Variants in BCL2L1 observed in about 807,000 individuals in gnomAD.
BCL2L1 encodes the protein BCL2 like 1.
Under a neutral mutation model 18.7 loss-of-function variants are expected in BCL2L1, and 1 was observed. The observed-to-expected ratio is 0.05, with a 90% CI of 0.02 to 0.25. BCL2L1 has a LOEUF of 0.25. Ranked by LOEUF, BCL2L1 falls within the 10% of genes least tolerant of loss-of-function variation. The pLI is 1.00. For synonymous variants in BCL2L1, 103 were observed against 122.7 expected, an observed-to-expected ratio of 0.84 and a Z score of 1.06; for missense variants, 207 against 304.9, an observed-to-expected ratio of 0.68 and a Z score of 2.39.
Position 31,722,367 on chromosome 20 carries a change from A to G in BCL2L1, c.-130-19T>C. 1 of 540,422 alleles carries G rather than the reference A, an allele frequency of 1.9e-6. No homozygotes were observed. The highest frequency in any genetic ancestry group is 3.0e-6 in the Non-Finnish European group (1 of 338,006). The allele number at this position is 540,422 out of a possible 1,614,324, so 33.5% of individuals were successfully genotyped here. ...GAAAGAGCTTCAGGAAAAAAAAATAATTAATATGCATGCCATTTACCCTAA... is the reference window on the plus strand; with the variant it reads ...GAAAGAGCTTCAGGAAAAAAAAATAGTTAATATGCATGCCATTTACCCTAA... On this transcript the variant is annotated intron_variant, in intron 1 of 2. Transcript: ENST00000307677.
At chr20:31,715,522 A>G (rs2061519993) in intron 2 of BCL2L1, among the ~76,000 whole-genome samples, 1 of 152,112 alleles carries the variant, frequency 6.6e-6, no homozygotes. Flanking sequence ...CCTTTGCTGT[A>G]GGGTACCTAC....
intron 2 of BCL2L1, among the ~76,000 whole-genome samples, chr20:31,719,766 G>A (rs945095196): frequency 6.6e-6 from 1 of 152,146 alleles, no homozygotes; most frequent in Non-Finnish European, 1.5e-5. Flanking sequence ...TTCTGCAGAG[G>A]CTGGCTAGCA....
intron 2 of BCL2L1, among the ~76,000 whole-genome samples, chr20:31,720,342 A>G (rs2061602921): frequency 6.6e-6 from 1 of 152,236 alleles, no homozygotes; most frequent in Admixed American, 6.5e-5. Flanking sequence ...TCCTGAGTCC[A>G]TGGTGCATGT....
intron 2 of BCL2L1, among the ~76,000 whole-genome samples, chr20:31,691,267 C>A (rs2061069130): frequency 6.8e-6 from 1 of 146,918 alleles, no homozygotes; most frequent in South Asian, 2.2e-4. Flanking sequence ...GCCTTTAACA[C>A]CCTATGGAGG....
chr20:31,668,737 T>C (rs1056045384), intron 2 of BCL2L1, among the ~76,000 whole-genome samples: 1 of 151,670 alleles, frequency 6.6e-6, no homozygotes, highest in Non-Finnish European at 1.5e-5. Context: ...CCCAAGTAGC[T>C]GGGATTACAG....
chr20:31,684,010 A>G (rs1379536695), intron 2 of BCL2L1, among the ~76,000 whole-genome samples: 2 of 152,176 alleles, frequency 1.3e-5, no homozygotes, highest in African/African-American at 4.8e-5. Context: ...CCATCTGCAT[A>G]TCACCTCTAA....
chr20:31,696,081 T>G (rs909023810), intron 2 of BCL2L1, among the ~76,000 whole-genome samples: 9 of 152,182 alleles, frequency 5.9e-5, no homozygotes, highest in Non-Finnish European at 1.2e-4. Context: ...TGCCTAGCCC[T>G]GACATGTTAA....
chr20:31,669,844 C>T (rs1438276373), intron 2 of BCL2L1, among the ~76,000 whole-genome samples: 1 of 152,130 alleles, frequency 6.6e-6, no homozygotes, highest in African/African-American at 2.4e-5. Context: ...CATGAGTTAA[C>T]AAATGTATTG....
Position 31,680,726 on chromosome 20 carries a change from T to A in BCL2L1, c.565-14640A>T, listed in dbSNP as rs1165940757. ...AAGAGTCAGGCACTGTACTAAGCGC[T>A]GGGGATAAAGCAGTGACTAAATAGA... On this transcript the variant is annotated intron_variant, in intron 2 of 2. Transcript: ENST00000307677. 6.6e-5 allele frequency among the ~76,000 whole-genome samples: 10 copies of A among 152,264 alleles called. No homozygotes were observed. The East Asian group carries it at 1.4e-3, about 21-fold the overall frequency.
chr20:31,719,497 C>A (rs1003351598), intron 2 of BCL2L1, among the ~76,000 whole-genome samples: 1 of 152,172 alleles, frequency 6.6e-6, no homozygotes, highest in East Asian at 1.9e-4. Context: ...ATGTTCTTTA[C>A]TCCCTGGCCT....
intron 2 of BCL2L1, among the ~76,000 whole-genome samples, chr20:31,669,463 T>C (rs1363311641): frequency 6.6e-6 from 1 of 151,214 alleles, no homozygotes; most frequent in Non-Finnish European, 1.5e-5. Context: ...TGTGTCTTTT[T>C]TTTTTTTTAG....
At chr20:31,699,002 A>G (rs2122688070) in intron 2 of BCL2L1, among the ~76,000 whole-genome samples, 1 of 152,280 alleles carries the variant, frequency 6.6e-6, no homozygotes, top group Non-Finnish European at 1.5e-5. Context: ...TTGTTTACCC[A>G]TCCTACAGTG....
chr20:31,688,817 G>A (rs2061006820), intron 2 of BCL2L1, among the ~76,000 whole-genome samples: 1 of 152,180 alleles, frequency 6.6e-6, no homozygotes, highest in Non-Finnish European at 1.5e-5. Flanking sequence ...GCCCTGTGTA[G>A]AATACTATGC....
At position 31,666,003 on chromosome 20, in the gene BCL2L1, C is replaced by A. The variant is rs773174390; in HGVS notation, c.648G>T (p.Thr216=). 5 of 1,613,960 alleles carry A rather than the reference C, an allele frequency of 3.1e-6. No individual in the cohort carries two copies. Among genetic ancestry groups the A allele is most frequent in the Admixed American group, 3.3e-5 (2 of 59,986 alleles). The change falls in exon 3 of 3, where the codon ACG becomes ACT. Residue 216 remains threonine (T), a synonymous_variant. Transcript: ENST00000307677. ...GAACCACGCCGGCCACAGTCATGCC[C>A]GTCAGGAACCAGCGGTTGAAGCGTT... ...GQERFNRWFL[T]GMTVAGVVLL... is the part of the protein sequence containing the mutation.
At chr20:31,678,245 G>C (rs2060795929) in intron 2 of BCL2L1, among the ~76,000 whole-genome samples, 1 of 152,104 alleles carries the variant, frequency 6.6e-6, no homozygotes, top group African/African-American at 2.4e-5. Context: ...CCAAAGCTAT[G>C]GCGACTCCCT....
intron 2 of BCL2L1, among the ~76,000 whole-genome samples, chr20:31,672,230 C>T (rs760232009): frequency 1.3e-5 from 2 of 151,734 alleles, no homozygotes; most frequent in African/African-American, 2.4e-5. Context: ...TTTGGGAGGC[C>T]GAGGCAGGCA....
chr20:31,669,582 A>G (rs546160127), intron 2 of BCL2L1, among the ~76,000 whole-genome samples: 37 of 151,604 alleles, frequency 2.4e-4, no homozygotes, highest in Middle Eastern at 6.8e-3. Context: ...CCCCCCGAGT[A>G]GCGCCTGCCA....
At chr20:31,716,783 T>C (rs2061543692) in intron 2 of BCL2L1, 1 of 152,234 alleles carries the variant, frequency 6.6e-6, no homozygotes, top group Non-Finnish European at 1.5e-5. Context: ...CTTCTTTTCA[T>C]TTATCCAAGT....
Position 31,688,444 on chromosome 20 carries a change from C to CAA in BCL2L1, c.565-22360_565-22359dup, listed in dbSNP as rs11362299. Among the ~76,000 whole-genome samples, 353 of 86,662 alleles carry CAA rather than the reference C, an allele frequency of 4.1e-3. 3 individuals are homozygous for CAA. Among genetic ancestry groups the CAA allele is most frequent in the African/African-American group, 7.7e-3 (208 of 26,874 alleles). The allele number at this position is 86,662 out of a possible 152,430, so 56.9% of individuals were successfully genotyped here. A position where few individuals can be genotyped will look rare whatever the true frequency, so the allele number is the denominator to read the frequency against. On this transcript the variant is annotated intron_variant, in intron 2 of 2. Transcript: ENST00000307677. ...GGGTGACAGAGCAAGACTCTGTCTC[C>CAA]AAAAAAAAAAAAAAAAGAAAGAAAA... is the stretch of plus-strand genomic sequence containing the variant.
Sources: allele counts gnomAD v4.1 joint callset (sites outside exome capture counted in the v4.1 genomes callset), GRCh38; gene constraint gnomAD v4.1.1; transcripts MANE v1.5; gene names NCBI Gene and HGNC (gene_info 2026-07-23, HGNC 2026-07-21).